Variants in TRIM16 observed in about 807,000 individuals in gnomAD.
TRIM16 encodes tripartite motif containing 16.
Under a neutral mutation model 50.4 loss-of-function variants are expected in TRIM16, and 33 were observed. The ratio of observed to expected loss-of-function variants is 0.65; its 90% CI spans 0.50 to 0.88. The LOEUF is 0.88. Ranked by LOEUF, TRIM16 falls within the 40% of genes least tolerant of loss-of-function variation. TRIM16 has a pLI of 0.00. For missense variants in TRIM16, 581 were observed against 686.8 expected (o/e 0.85, Z 1.72); for synonymous variants, 229 against 270.7 (o/e 0.85, Z 1.51).
Position 15,634,146 on chromosome 17 carries a change from G to A in TRIM16, c.850-1472C>T, listed in dbSNP as rs181098944. 3.8e-3 allele frequency among the ~76,000 whole-genome samples: 561 copies of A among 147,130 alleles called. 40 individuals are homozygous for A. The highest frequency in any genetic ancestry group is 0.014 in the African/African-American group (538 of 39,700). On this transcript the variant is annotated intron_variant, in intron 9 of 11. Transcript: ENST00000649191. Reference sequence around the variant, plus strand: ...AGATCGAGACCATTCTGGCTAACACGGTGAAACCCCATCTCTACTAAAAAT... The same window carrying A: ...AGATCGAGACCATTCTGGCTAACACAGTGAAACCCCATCTCTACTAAAAAT...
At chr17:15,629,942 G>C (rs1986328225) in intron 11 of TRIM16, among the ~76,000 whole-genome samples, 1 of 152,168 alleles carries the variant, frequency 6.6e-6, no homozygotes, top group Non-Finnish European at 1.5e-5. Flanking sequence ...CCCCCTTCAA[G>C]ACCTTCTCCA....
intron 6 of TRIM16, among the ~76,000 whole-genome samples, chr17:15,665,759 A>G (rs566415785): frequency 6.6e-6 from 1 of 151,824 alleles, no homozygotes; most frequent in Non-Finnish European, 1.5e-5. Context: ...ATCCATTCCT[A>G]CGCCTTCAGT....
At position 15,683,121 on chromosome 17, in the gene TRIM16, C is replaced by T. The variant is rs1410345793; in HGVS notation, c.-862G>A. The stretch of plus-strand genomic sequence containing the variant: ...GGTGTAGCAACCTTTCCGTTCTCCA[C>T]GTATCTTCCTGGAAATTGCCAGCAT... On this transcript the variant is annotated 5_prime_UTR_variant, in exon 2 of 12. It adds an upstream start codon to the 5' untranslated region. Transcript: ENST00000649191. 1.7e-5 allele frequency: 27 copies of T among 1,550,304 alleles called. No individual in the cohort carries two copies. The East Asian group carries it at 2.0e-4, about 11-fold the overall frequency.
chr17:15,648,896 A>G lies in TRIM16; in HGVS notation c.519+2195T>C, dbSNP rs148720849. ...GGACAAGAGCTCTTTTAAGCAGACC[A>G]GAAAGCAGAGGGGTCTGGGGAATGG... On this transcript the variant is annotated intron_variant, in intron 7 of 11. Coordinates refer to ENST00000649191, the MANE Select transcript of TRIM16 (RefSeq NM_001348119.1). 1.2e-4 allele frequency among the ~76,000 whole-genome samples: 18 copies of G among 152,360 alleles called. No individual in the cohort carries two copies. In the East Asian group the frequency reaches 2.7e-3, roughly 23 times the overall value.
At chr17:15,680,770 C>G (rs1382744988) in intron 4 of TRIM16, 95 bp downstream of exon 4, 2 of 1,394,530 alleles carry the variant, frequency 1.4e-6, no homozygotes, top group East Asian at 5.1e-5. Flanking sequence ...AAAAAATTTG[C>G]TTCAGGAATT....
chr17:15,679,300 G>A (rs536034981), intron 4 of TRIM16, among the ~76,000 whole-genome samples: 1 of 152,332 alleles, frequency 6.6e-6, no homozygotes, highest in African/African-American at 2.4e-5. Context: ...TCTTTGTGTA[G>A]AATGCTCCTG....
At position 15,651,651 on chromosome 17, in the gene TRIM16, G is replaced by T; in HGVS notation, c.-42C>A. 6.3e-7 allele frequency: 1 copy of T among 1,592,282 alleles called. No homozygotes were observed. The stretch of plus-strand genomic sequence containing the variant: ...CTAGGCTGTCTTTCTTCTGTCCCTT[G>T]GCCCAGGATCTGTGCAGCCCAAGTC... On this transcript the variant is annotated 5_prime_UTR_variant, in exon 7 of 12. Transcript: ENST00000649191.
chr17:15,651,069 T>C (rs1042011844), intron 7 of TRIM16, 22 bp downstream of exon 7: 2 of 1,585,476 alleles, frequency 1.3e-6, no homozygotes, highest in Non-Finnish European at 1.7e-6. Flanking sequence ...CCCAAATGGA[T>C]GAATGGTCCC....
At chr17:15,680,221 T>G (rs1989128316) in intron 4 of TRIM16, among the ~76,000 whole-genome samples, 1 of 152,130 alleles carries the variant, frequency 6.6e-6, no homozygotes, top group Admixed American at 6.5e-5. Flanking sequence ...GACTTTAAAA[T>G]GCTAGTTGAA....
At chr17:15,677,149 G>C (rs1425399539) in intron 6 of TRIM16, 27 bp downstream of exon 6, 1 of 984,236 alleles carries the variant, frequency 1.0e-6, no homozygotes, top group African/African-American at 1.8e-5. Flanking sequence ...TATTTCTAAA[G>C]ATGCAATCTG....
At chr17:15,673,380 G>T (rs1208117826) in intron 6 of TRIM16, among the ~76,000 whole-genome samples, 2 of 152,316 alleles carry the variant, frequency 1.3e-5, no homozygotes, top group South Asian at 4.1e-4. Flanking sequence ...TGTAATTCAA[G>T]CCCTGTTAAA....
intron 6 of TRIM16, among the ~76,000 whole-genome samples, chr17:15,670,312 C>T (rs1197528550): frequency 6.6e-6 from 1 of 152,212 alleles, no homozygotes; most frequent in East Asian, 1.9e-4. Context: ...CTTCAAAGCA[C>T]TCTGTACCAT....
rs1434931059 is a variant in TRIM16, at chr17:15,634,361, G to C, written c.849+1675C>G. Among the ~76,000 whole-genome samples, 4 of 146,224 alleles carry C rather than the reference G, an allele frequency of 2.7e-5. 1 individual carries two copies. The highest frequency in any genetic ancestry group is 5.1e-5 in the African/African-American group (2 of 39,298). ...ACAAAAAAAATTGGCCGGGCGCGGT[G>C]GCTCACTCCTGTAATCGCAACACTT... is the stretch of plus-strand genomic sequence containing the variant. On this transcript the variant is annotated intron_variant, in intron 9 of 11. Transcript: ENST00000649191.
intron 7 of TRIM16, among the ~76,000 whole-genome samples, chr17:15,647,325 G>T (rs1451596164): frequency 1.3e-5 from 2 of 152,210 alleles, no homozygotes; most frequent in African/African-American, 4.8e-5. Flanking sequence ...CCTTTCGGCT[G>T]CCAGCAAACA....
At chr17:15,656,766 T>A (rs1311369033) in intron 6 of TRIM16, among the ~76,000 whole-genome samples, 1 of 152,178 alleles carries the variant, frequency 6.6e-6, no homozygotes, top group Non-Finnish European at 1.5e-5. Flanking sequence ...TTTTTGTTTT[T>A]TGAAACAGGG....
At chr17:15,640,811 T>A (rs1330528917) in intron 8 of TRIM16, among the ~76,000 whole-genome samples, 2 of 148,292 alleles carry the variant, frequency 1.3e-5, no homozygotes, top group African/African-American at 2.5e-5. Flanking sequence ...CCACTCAGGC[T>A]CCAGGTAGCC....
Position 15,677,164 on chromosome 17 carries a change from G to T in TRIM16, c.-338+12C>A, listed in dbSNP as rs1245838366. On this transcript the variant is annotated intron_variant, in intron 6 of 11. Transcript: ENST00000649191. ...TATTTCTAAAGATGCAATCTGCCTT[G>T]TTCTCACTTACGTGTACCGCTGCTT... The T allele has an allele frequency of 1.0e-6, 1 of 985,008 alleles. No homozygotes were observed. The highest frequency in any genetic ancestry group is 4.7e-5 in the South Asian group (1 of 21,288). The allele number at this position is 985,008 out of a possible 1,614,324, so 61.0% of individuals were successfully genotyped here.
chr17:15,628,873 C>G lies in TRIM16; in HGVS notation c.1437G>C (p.Trp479Cys). 1.9e-6 allele frequency: 3 copies of G among 1,614,222 alleles called. No homozygotes were observed. Among genetic ancestry groups the G allele is most frequent in the Non-Finnish European group, 2.5e-6 (3 of 1,180,040 alleles). The change falls in exon 12 of 12, where the codon TGG becomes TGC. Residue 479 changes from tryptophan (W) to cysteine (C), a missense_variant. Trp to Cys is a radical substitution (Grantham distance 215, BLOSUM62 -2). Coordinates refer to ENST00000649191, the MANE Select transcript of TRIM16 (RefSeq NM_001348119.1). ...TGAGTGGGGTCTCCATGTCACTGTA[C>G]CAGGCCGTGAACTCCTTCCCGTTCC... ...LQWNGKEFTA[W>C]YSDMETPLKA... is the part of the protein sequence containing the mutation.
intron 4 of TRIM16, among the ~76,000 whole-genome samples, chr17:15,678,448 C>G (rs1989040243): frequency 6.6e-6 from 1 of 152,126 alleles, no homozygotes. Context: ...AGATCCTAAC[C>G]AATGGAATGC....
Sources: allele counts gnomAD v4.1 joint callset (sites outside exome capture counted in the v4.1 genomes callset), GRCh38; gene constraint gnomAD v4.1.1; transcripts MANE v1.5; gene names NCBI Gene and HGNC (gene_info 2026-07-23, HGNC 2026-07-21).